Variants in WHAMM observed in about 807,000 individuals in gnomAD.
The protein encoded by WHAMM is WASP homolog-associated protein with actin, membranes and microtubules.
WHAMM carries 67 observed loss-of-function variants against 76.5 expected under a neutral mutation model. The ratio of observed to expected loss-of-function variants is 0.88; its 90% CI spans 0.72 to 1.07. WHAMM has a LOEUF of 1.07. Among genes scored for constraint, WHAMM ranks in the 50% least tolerant of loss-of-function variants. The pLI, the probability that WHAMM is intolerant of heterozygous loss-of-function variation, is 0.00. For synonymous variants in WHAMM, 419 were observed against 422.1 expected (o/e 0.99, Z 0.09); for missense variants, 1,021 against 1,051.1 (o/e 0.97, Z 0.40).
In WHAMM at chr15:82,818,611, TAATC is replaced by T. The variant is rs202077244; in HGVS notation, c.1104+525_1104+528del. ...CAATGTTTTCACTACAACTTTAAAA[TAATC>T]AAAGAGATACTTCACTGCATAGTCA... On this transcript the variant is annotated intron_variant, in intron 4 of 9. Coordinates refer to ENST00000286760, the MANE Select transcript of WHAMM (RefSeq NM_001080435.3). Among the ~76,000 whole-genome samples the T allele has an allele frequency of 1.7e-3, 257 of 152,350 alleles. 5 individuals are homozygous for T. The East Asian group carries it at 0.042, about 25-fold the overall frequency.
intron 4 of WHAMM, among the ~76,000 whole-genome samples, chr15:82,818,953 A>C (rs2050774179): frequency 6.6e-6 from 1 of 152,258 alleles, no homozygotes; most frequent in South Asian, 2.1e-4. Context: ...TAAAGGCACT[A>C]ATCCCATGAT....
intron 2 of WHAMM, among the ~76,000 whole-genome samples, chr15:82,813,764 C>G (rs2050673158): frequency 7.2e-6 from 1 of 139,436 alleles, no homozygotes; most frequent in South Asian, 2.3e-4. Context: ...TCAAGCGACT[C>G]TTCTGTCTCA....
chr15:82,809,633 G>C lies in WHAMM; in HGVS notation c.-94G>C. 2 of 1,135,298 alleles carry C rather than the reference G, an allele frequency of 1.8e-6. No homozygotes were observed. The highest frequency in any genetic ancestry group is 2.3e-6 in the Non-Finnish European group (2 of 881,800). 70.3% of individuals were successfully genotyped at this position (1,135,298 alleles called of 1,614,324 possible). A position where few individuals can be genotyped will look rare whatever the true frequency, so the allele number is the denominator to read the frequency against. On this transcript the variant is annotated 5_prime_UTR_variant, in exon 1 of 10. Coordinates refer to ENST00000286760, the MANE Select transcript of WHAMM (RefSeq NM_001080435.3). Reference sequence around the variant, plus strand: ...GCACTGACGCGGTTTCGATTCTAGCGAAAAATGATTTGGCTCGGACTGTCC... The same window carrying C: ...GCACTGACGCGGTTTCGATTCTAGCCAAAAATGATTTGGCTCGGACTGTCC...
chr15:82,833,094 C>T (rs975853784), intron 9 of WHAMM, 135 bp from the exon 10 acceptor site: 3 of 1,031,028 alleles, frequency 2.9e-6, no homozygotes, highest in Non-Finnish European at 4.2e-6. Context: ...GTAATCAAGG[C>T]ATTTGCTTAA....
Position 82,833,476 on chromosome 15 carries a change from G to A in WHAMM, c.2370G>A (p.Arg790=), listed in dbSNP as rs1219037466. 5 of 1,613,852 alleles carry A rather than the reference G, an allele frequency of 3.1e-6. No homozygotes were observed. In the African/African-American group the frequency reaches 4.0e-5, roughly 13 times the overall value. Residue 790 remains arginine (R), a synonymous_variant, in exon 10 of 10, where the codon AGG becomes AGA. Coordinates refer to ENST00000286760, the MANE Select transcript of WHAMM (RefSeq NM_001080435.3). ...SIKAALQRIK[R]VSADSEEDSD... is the part of the protein sequence containing the mutation. The stretch of plus-strand genomic sequence containing the variant: ...AGGCTGCGCTCCAGAGAATCAAGAG[G>A]GTGTCTGCTGACTCTGAGGAGGACA...
At chr15:82,831,202 T>G in intron 9 of WHAMM, 123 bp downstream of exon 9, 1 of 1,473,370 alleles carries the variant, frequency 6.8e-7, no homozygotes, top group Non-Finnish European at 9.0e-7. Context: ...CCTTAAAATA[T>G]TCCAGTATTT....
At position 82,830,860 on chromosome 15, in the gene WHAMM, G is replaced by A; in HGVS notation, c.1903G>A (p.Glu635Lys). ...TCAAACACATTCCAAATCCAGTGAGGAATTGTCACTGCCACCACCTCCTCC... is the reference window on the plus strand; with the variant it reads ...TCAAACACATTCCAAATCCAGTGAGAAATTGTCACTGCCACCACCTCCTCC... ...GDQTHSKSSE[E>K]LSLPPPPPPP... The change falls in exon 9 of 10, where the codon GAA (glutamate) becomes AAA (lysine). Residue 635 changes from glutamate (E) to lysine (K), a missense_variant. This residue lies in a region of WHAMM where 509 missense variants were observed against 492.3 expected (regional missense o/e 1.03). Transcript: ENST00000286760. The A allele has an allele frequency of 6.3e-7, 1 of 1,585,106 alleles. No homozygotes were observed.
In WHAMM at chr15:82,809,803, A is replaced by G; in HGVS notation, c.77A>G (p.His26Arg). The G allele has an allele frequency of 1.9e-6, 3 of 1,602,416 alleles. No homozygotes were observed. The highest frequency in any genetic ancestry group is 2.6e-6 in the Non-Finnish European group (3 of 1,175,182). ...REGLFAEPER[H>R]RLRFLVAWNG... ...GGCCTCTTCGCCGAGCCCGAGAGGC[A>G]CCGGCTGCGCTTCCTGGTGGCCTGG... Residue 26 changes from histidine to arginine, a missense_variant, in exon 1 of 10, where the codon CAC (histidine) becomes CGC (arginine). By Grantham distance (29) the His-to-Arg change is conservative. Coordinates refer to ENST00000286760, the MANE Select transcript of WHAMM (RefSeq NM_001080435.3).
intron 1 of WHAMM, 68 bp downstream of exon 1, chr15:82,810,403 C>T: frequency 8.1e-7 from 1 of 1,233,808 alleles, no homozygotes. Flanking sequence ...GGAGGCTCCC[C>T]CGGCGCCGAG....
At chr15:82,816,369 T>C (rs550658226) in intron 2 of WHAMM, among the ~76,000 whole-genome samples, 1 of 152,222 alleles carries the variant, frequency 6.6e-6, no homozygotes, top group Non-Finnish European at 1.5e-5. Flanking sequence ...ACAACACAGA[T>C]CACTCATTTA....
rs35433760 is a variant in WHAMM at position 82,809,875 on chromosome 15, C to CA, written c.149_150insA (p.Gln51AlafsTer20). 2 of 1,566,036 alleles carry CA rather than the reference C, an allele frequency of 1.3e-6. No homozygotes were observed. Among genetic ancestry groups the CA allele is most frequent in the African/African-American group, 2.8e-5 (2 of 71,348 alleles). On this transcript the variant is annotated frameshift_variant, in exon 1 of 10. Coordinates refer to ENST00000286760, the MANE Select transcript of WHAMM (RefSeq NM_001080435.3). LOFTEE classifies it high-confidence loss of function. ...GCTGTGACTTGTCACGACCGTACCGCGCAGCAGCGGCGGCTGCGCGAGGGG... is the reference window on the plus strand; with the variant it reads ...GCTGTGACTTGTCACGACCGTACCGCAGCAGCAGCGGCGGCTGCGCGAGGGG...
chr15:82,831,128 T>G, intron 9 of WHAMM, 49 bp downstream of exon 9: 1 of 1,570,698 alleles, frequency 6.4e-7, no homozygotes, highest in Non-Finnish European at 8.6e-7. Context: ...GTTAAGCTGT[T>G]GAAGCATTCT....
In WHAMM at chr15:82,830,948, C is replaced by T. The variant is rs199528498; in HGVS notation, c.1991C>T (p.Ser664Leu). 1,197 of 1,599,804 alleles carry T rather than the reference C, an allele frequency of 7.5e-4. 17 individuals carry two copies. In the South Asian group the frequency reaches 0.013, roughly 17 times the overall value. ...CCCCCTCCTCTCCGTGCTCTGTCCTCATCCTCTCAAGCTGCAACTCATCAG... is the reference window on the plus strand; with the variant it reads ...CCCCCTCCTCTCCGTGCTCTGTCCTTATCCTCTCAAGCTGCAACTCATCAG... ...PPPPPLRALS[S>L]SSQAATHQNL... The change falls in exon 9 of 10, where the codon TCA becomes TTA. Residue 664 changes from serine (S) to leucine (L), a missense_variant. Ser to Leu is a moderately radical substitution (Grantham distance 145). Around this residue, in one of 3 missense-constraint regions of WHAMM, gnomAD observed 509 missense variants for 492.3 expected, o/e 1.03. Transcript: ENST00000286760.
intron 3 of WHAMM, among the ~76,000 whole-genome samples, chr15:82,817,303 G>A (rs1387634738): frequency 1.3e-5 from 2 of 152,222 alleles, no homozygotes; most frequent in South Asian, 2.1e-4. Flanking sequence ...GGGCTGGATC[G>A]CAGAGAGTGC....
rs998687150 is a variant in WHAMM, at chr15:82,833,344, C to T, written c.2238C>T (p.Ala746=). ...HASINEHILA[A]IRQGVKLKKV... is the part of the protein sequence containing the mutation. Reference sequence around the variant, plus strand: ...CAATCAATGAGCACATTCTGGCTGCCATAAGGCAAGGGGTCAAACTGAAGA... The same window carrying T: ...CAATCAATGAGCACATTCTGGCTGCTATAAGGCAAGGGGTCAAACTGAAGA... The change falls in exon 10 of 10, where the codon GCC becomes GCT. Residue 746 remains alanine, a synonymous_variant. Transcript: ENST00000286760. 7 of 1,613,916 alleles carry T rather than the reference C, an allele frequency of 4.3e-6. No homozygotes were observed. The highest frequency in any genetic ancestry group is 1.7e-5 in the Admixed American group (1 of 60,004).
chr15:82,810,642 T>C, intron 1 of WHAMM: 1 of 985,408 alleles, frequency 1.0e-6, no homozygotes, highest in Non-Finnish European at 1.2e-6. Context: ...TAACAGGAAA[T>C]GCCAGAAATA....
chr15:82,810,962 A>G (rs1374306769), intron 1 of WHAMM, among the ~76,000 whole-genome samples: 2 of 152,222 alleles, frequency 1.3e-5, no homozygotes, highest in East Asian at 3.8e-4. Flanking sequence ...GAGGGGAAGT[A>G]CAAGTTCACA....
At position 82,836,106 on chromosome 15, in the gene WHAMM, C is replaced by T. The variant is rs1476916384; in HGVS notation, c.*2570C>T. On this transcript the variant is annotated 3_prime_UTR_variant, in exon 10 of 10. Transcript: ENST00000286760. ...GTTCTCACAATAAAAATTCCTGGCC[C>T]AATTGTGTCTTCTGTGCATCAACGC... The T allele has an allele frequency of 6.6e-6, 1 of 152,184 alleles. No homozygotes were observed. The highest frequency in any genetic ancestry group is 1.5e-5 in the Non-Finnish European group (1 of 68,034). 9.4% of individuals were successfully genotyped at this position (152,184 alleles called of 1,614,324 possible).
chr15:82,833,084 G>A (rs2051058742), intron 9 of WHAMM, 145 bp from the exon 10 acceptor site: 5 of 976,652 alleles, frequency 5.1e-6, no homozygotes, highest in South Asian at 1.7e-5. Flanking sequence ...TCGTTAGCAC[G>A]TAATCAAGGC....
Sources: allele counts gnomAD v4.1 joint callset (sites outside exome capture counted in the v4.1 genomes callset), GRCh38; gene constraint gnomAD v4.1.1; regional missense constraint gnomAD v4.1.1; transcripts MANE v1.5; gene names NCBI Gene and HGNC (gene_info 2026-07-23, HGNC 2026-07-21).